Variants in MAPKAP1 observed in about 807,000 individuals in gnomAD.
The protein encoded by MAPKAP1 is MAPK associated protein 1.
In MAPKAP1, 20 loss-of-function variants were observed where a neutral mutation model predicts 65.7. The ratio of observed to expected loss-of-function variants is 0.30; its 90% CI spans 0.21 to 0.44. MAPKAP1 has a LOEUF of 0.44. MAPKAP1 is among the 20% of genes least tolerant of loss of function. The pLI is 1.00. For synonymous variants in MAPKAP1, 222 were observed against 244.3 expected (o/e 0.91, Z 0.85); for missense variants, 423 against 648.0 (o/e 0.65, Z 3.77).
chr9:125,566,408 T>C (rs1831052043), intron 5 of MAPKAP1, among the ~76,000 whole-genome samples: 1 of 151,942 alleles, frequency 6.6e-6, no homozygotes, highest in Non-Finnish European at 1.5e-5. Context: ...CTATAAAAAA[T>C]ACAAAAATTA....
rs2131599058 is a variant in MAPKAP1 at position 125,595,657 on chromosome 9, T to C, written c.499-9930A>G. ...CAAGGAAGCATCGTTAAAGTCTCTC[T>C]TCTCCCTGCCGTCCTAAGTCAGAGT... is the stretch of plus-strand genomic sequence containing the variant. On this transcript the variant is annotated intron_variant, in intron 4 of 11. Coordinates refer to ENST00000265960, the MANE Select transcript of MAPKAP1 (RefSeq NM_001006617.3). The surrounding 1 kb of genome is among the most constrained non-coding windows in gnomAD (Gnocchi z 4.0). The C allele has an allele frequency of 2.0e-6, 3 of 1,493,670 alleles. No individual in the cohort carries two copies. The highest frequency in any genetic ancestry group is 2.7e-6 in the Non-Finnish European group (3 of 1,127,100). The allele number at this position is 1,493,670 out of a possible 1,614,324, so 92.5% of individuals were successfully genotyped here. A position where few individuals can be genotyped will look rare whatever the true frequency, so the allele number is the denominator to read the frequency against.
intron 7 of MAPKAP1, among the ~76,000 whole-genome samples, chr9:125,537,121 T>C (rs1715828297): frequency 6.6e-6 from 1 of 152,204 alleles, no homozygotes; most frequent in Admixed American, 6.5e-5. Context: ...AAAAAGAGTA[T>C]GGGCTTTGAG....
intron 6 of MAPKAP1, among the ~76,000 whole-genome samples, chr9:125,558,228 C>T (rs1452793505): frequency 2.6e-5 from 4 of 152,126 alleles, no homozygotes; most frequent in African/African-American, 9.7e-5. Context: ...AACTGAGTAA[C>T]ATATACACAC....
At chr9:125,630,977 G>A (rs1346194536) in intron 4 of MAPKAP1, among the ~76,000 whole-genome samples, 4 of 151,960 alleles carry the variant, frequency 2.6e-5, no homozygotes, top group Non-Finnish European at 4.4e-5. Flanking sequence ...TGCACCTGTG[G>A]TCCCAGCTAC....
intron 4 of MAPKAP1, among the ~76,000 whole-genome samples, chr9:125,589,373 T>C (rs1831885597): frequency 6.6e-6 from 1 of 152,206 alleles, no homozygotes; most frequent in African/African-American, 2.4e-5. Context: ...TCTGCTTTGT[T>C]TACTGTTCCA....
rs67808052 is a variant in MAPKAP1 at position 125,603,056 on chromosome 9, G to GTCTT, written c.499-17333_499-17330dup. On this transcript the variant is annotated intron_variant, in intron 4 of 11. Transcript: ENST00000265960. ...ACTACAGGAACACCACCACACTTGCGTCTTTCTTTCTTTCTTTCTTTCTTT... is the reference window on the plus strand; with the variant it reads ...ACTACAGGAACACCACCACACTTGCGTCTTTCTTTCTTTCTTTCTTTCTTTCTTT... 2.2e-3 allele frequency among the ~76,000 whole-genome samples: 330 copies of GTCTT among 148,830 alleles called. 1 individual carries two copies. Among genetic ancestry groups the GTCTT allele is most frequent in the African/African-American group, 7.0e-3 (287 of 40,716 alleles).
At chr9:125,640,367 T>G (rs1416537761) in intron 4 of MAPKAP1, among the ~76,000 whole-genome samples, 1 of 152,070 alleles carries the variant, frequency 6.6e-6, no homozygotes, top group Non-Finnish European at 1.5e-5. Flanking sequence ...CCTCCCAAAG[T>G]GCTGGGATTA....
intron 4 of MAPKAP1, among the ~76,000 whole-genome samples, chr9:125,625,523 G>A (rs1215833308): frequency 6.6e-6 from 1 of 152,184 alleles, no homozygotes; most frequent in Non-Finnish European, 1.5e-5. Flanking sequence ...TGCTGGGTGT[G>A]GCAGCTCACG....
intron 9 of MAPKAP1, among the ~76,000 whole-genome samples, chr9:125,480,496 T>C (rs1321861994): frequency 6.6e-6 from 1 of 152,162 alleles, no homozygotes; most frequent in East Asian, 1.9e-4. Context: ...ATGACTGTCA[T>C]CATTCATGTC....
chr9:125,639,926 C>T (rs1041846180), intron 4 of MAPKAP1, among the ~76,000 whole-genome samples: 32 of 152,076 alleles, frequency 2.1e-4, no homozygotes, highest in Non-Finnish European at 3.5e-4. Context: ...CACAGACAGG[C>T]GCATGGGGGC....
At chr9:125,604,319 A>AG (rs1358751755) in intron 4 of MAPKAP1, among the ~76,000 whole-genome samples, 2 of 152,242 alleles carry the variant, frequency 1.3e-5, no homozygotes, top group African/African-American at 4.8e-5. Flanking sequence ...TGCCTTGCAC[A>AG]GCACCACACT....
At chr9:125,473,382 C>A (rs1279406650) in intron 9 of MAPKAP1, among the ~76,000 whole-genome samples, 2 of 152,186 alleles carry the variant, frequency 1.3e-5, no homozygotes, top group East Asian at 3.9e-4. Flanking sequence ...ATGACCTTTT[C>A]ATGCTCCCAC....
intron 7 of MAPKAP1, among the ~76,000 whole-genome samples, chr9:125,511,162 CACCAT>C (rs1829287824): frequency 1.6e-5 from 2 of 127,296 alleles, no homozygotes; most frequent in Non-Finnish European, 3.3e-5. Context: ...CTATCATCAT[CACCAT>C]CATCATCATC....
chr9:125,571,041 G>C (rs988632768), intron 5 of MAPKAP1, among the ~76,000 whole-genome samples: 19 of 152,022 alleles, frequency 1.2e-4, no homozygotes, highest in African/African-American at 4.3e-4. Context: ...AACATTAATA[G>C]TACATTAATA....
At chr9:125,619,893 A>G (rs1832848477) in intron 4 of MAPKAP1, among the ~76,000 whole-genome samples, 1 of 152,208 alleles carries the variant, frequency 6.6e-6, no homozygotes. Context: ...TTTTAAAAAA[A>G]TCTTAGAAAA....
intron 4 of MAPKAP1, among the ~76,000 whole-genome samples, chr9:125,615,402 T>G (rs1470042135): frequency 1.3e-5 from 2 of 152,060 alleles, no homozygotes; most frequent in Non-Finnish European, 2.9e-5. Flanking sequence ...AAAATGTATA[T>G]ATGGAAGGGG....
chr9:125,567,940 G>A (rs529520229), intron 5 of MAPKAP1: 1 of 152,230 alleles, frequency 6.6e-6, no homozygotes, highest in Non-Finnish European at 1.5e-5. Flanking sequence ...ACAATACTGA[G>A]GAGACCCTCC....
At chr9:125,534,923 C>T (rs993149629) in intron 7 of MAPKAP1, among the ~76,000 whole-genome samples, 7 of 152,176 alleles carry the variant, frequency 4.6e-5, no homozygotes, top group African/African-American at 1.7e-4. Context: ...TCCATGTATC[C>T]CTTGTATGGT....
At position 125,574,761 on chromosome 9, in the gene MAPKAP1, C is replaced by T. The variant is rs200694793; in HGVS notation, c.671+10794G>A. Reference sequence around the variant, plus strand: ...TTGTGGTAGTAGCTGGCTGCGGTTACAGTAGTTAGGAGGAGCAGAAATGAA... The same window carrying T: ...TTGTGGTAGTAGCTGGCTGCGGTTATAGTAGTTAGGAGGAGCAGAAATGAA... On this transcript the variant is annotated intron_variant, in intron 5 of 11. Coordinates refer to ENST00000265960, the MANE Select transcript of MAPKAP1 (RefSeq NM_001006617.3). Among the ~76,000 whole-genome samples the T allele has an allele frequency of 2.4e-4, 36 of 152,328 alleles. No individual in the cohort carries two copies. The East Asian group carries it at 4.0e-3, about 17-fold the overall frequency.
Sources: gnomAD v4.1 joint callset for allele counts (sites outside exome capture counted in the v4.1 genomes callset) on GRCh38, gnomAD v4.1.1 for gene constraint, Gnocchi (gnomAD v3.1) non-coding constraint, MANE v1.5 for transcripts, NCBI Gene and HGNC (gene_info 2026-07-23, HGNC 2026-07-21) for gene names.